Variants in CORO7 observed in about 807,000 individuals in gnomAD.
CORO7 encodes coronin-7.
Under a neutral mutation model 126.6 loss-of-function variants are expected in CORO7, and 107 were observed. The observed-to-expected ratio is 0.85, with a 90% CI of 0.72 to 0.99. The LOEUF (loss-of-function observed/expected upper bound fraction) is 0.99, where lower values mean the gene tolerates loss of function less well. CORO7 is among the 50% of genes least tolerant of loss of function. The probability of loss-of-function intolerance (pLI) is 0.00; values close to 1 mark genes in which losing one functional copy is unlikely to be tolerated. For synonymous variants in CORO7, 603 were observed against 536.8 expected (o/e 1.12, Z -1.70); for missense variants, 1,314 against 1,255.8 (o/e 1.05, Z -0.70).
intron 23 of CORO7, 146 bp from the exon 24 acceptor site, chr16:4,358,629 C>G (rs922817133): frequency 1.2e-5 from 8 of 645,488 alleles, no homozygotes; most frequent in African/African-American, 1.9e-5. Context: ...TCATGTTGAA[C>G]AACCTGCTCT....
At chr16:4,407,806 GCCTT>G (rs2056062014) in intron 4 of CORO7, 122 bp from the exon 5 acceptor site, 1 of 1,277,746 alleles carries the variant, frequency 7.8e-7, no homozygotes, top group Non-Finnish European at 1.1e-6. Context: ...ACACACCTTG[GCCTT>G]GGGAGGAGCG....
At chr16:4,406,289 C>T (rs1016025537) in intron 5 of CORO7, among the ~76,000 whole-genome samples, 2 of 151,594 alleles carry the variant, frequency 1.3e-5, no homozygotes, top group South Asian at 2.1e-4. Context: ...CATGAGCCAC[C>T]GTGCCCGGCC....
At chr16:4,403,135 T>C (rs936183089) in intron 6 of CORO7, among the ~76,000 whole-genome samples, 1 of 151,934 alleles carries the variant, frequency 6.6e-6, no homozygotes, top group African/African-American at 2.4e-5. Flanking sequence ...CAGGTGCGGC[T>C]GCAAAGAGGG....
At chr16:4,379,949 A>G (rs1036044545) in intron 9 of CORO7, among the ~76,000 whole-genome samples, 1 of 148,894 alleles carries the variant, frequency 6.7e-6, no homozygotes, top group African/African-American at 2.5e-5. Flanking sequence ...TCCCAGCTAC[A>G]TGGGAGGCTG....
intron 9 of CORO7, among the ~76,000 whole-genome samples, chr16:4,370,710 C>T (rs2054493555): frequency 3.3e-5 from 5 of 152,218 alleles, no homozygotes; most frequent in East Asian, 1.9e-4. Context: ...TAGCCCTTGA[C>T]GGCTAGACAC....
rs373023916 is a variant in CORO7 at position 4,400,797 on chromosome 16, CAATAATAATAAT to C, written c.564+4682_564+4693del. Among the ~76,000 whole-genome samples, 24 of 139,334 alleles carry C rather than the reference CAATAATAATAAT, an allele frequency of 1.7e-4. 1 individual carries two copies. The highest frequency in any genetic ancestry group is 5.6e-4 in the African/African-American group (21 of 37,698). 91.4% of individuals were successfully genotyped at this position (139,334 alleles called of 152,430 possible). A position where few individuals can be genotyped will look rare whatever the true frequency, so the allele number is the denominator to read the frequency against. ...ATCGTGCCAATGCACTCCAGCAGTGCAATAATAATAATAATAATAATAATAATAATAATAATG... is the reference window on the plus strand; with the variant it reads ...ATCGTGCCAATGCACTCCAGCAGTGCAATAATAATAATAATAATAATAATG... On this transcript the variant is annotated intron_variant, in intron 6 of 27. Transcript: ENST00000251166.
Position 4,354,936 on chromosome 16 carries a change from G to A in CORO7, c.*222C>T, listed in dbSNP as rs556304284. 29 of 477,964 alleles carry A rather than the reference G, an allele frequency of 6.1e-5. No individual in the cohort carries two copies. Among genetic ancestry groups the A allele is most frequent in the Middle Eastern group, 1.1e-3 (2 of 1,838 alleles). 29.6% of individuals were successfully genotyped at this position (477,964 alleles called of 1,614,324 possible). The stretch of plus-strand genomic sequence containing the variant: ...CCTGCACCCCTGGCCACATGCTAGC[G>A]GGCAGCTGATGAGCAGCAGCTGACC... On this transcript the variant is annotated 3_prime_UTR_variant, in exon 28 of 28. Coordinates refer to ENST00000251166, the MANE Select transcript of CORO7 (RefSeq NM_024535.5).
rs542102494 is a variant in CORO7, at chr16:4,378,132, C to T, written c.785+9854G>A. ...CCTAAGAGCTGGCCTGCACACCTGG[C>T]CTTGCAGGGCTGAGGACTCCACATG... is the stretch of plus-strand genomic sequence containing the variant. On this transcript the variant is annotated intron_variant, in intron 9 of 27. Transcript: ENST00000251166. 5.9e-5 allele frequency among the ~76,000 whole-genome samples: 9 copies of T among 152,298 alleles called. No homozygotes were observed. In the South Asian group the frequency reaches 8.3e-4, roughly 14 times the overall value.
chr16:4,371,459 G>A (rs2054517078), intron 9 of CORO7, among the ~76,000 whole-genome samples: 1 of 152,158 alleles, frequency 6.6e-6, no homozygotes, highest in Non-Finnish European at 1.5e-5. Flanking sequence ...TGGTCATGAG[G>A]ACTCAGCCCT....
intron 6 of CORO7, among the ~76,000 whole-genome samples, chr16:4,400,872 C>G (rs1353317335): frequency 1.3e-5 from 2 of 151,748 alleles, no homozygotes; most frequent in Admixed American, 1.3e-4. Context: ...ACGTACCACA[C>G]TCACGCAGGA....
At chr16:4,366,068 C>T (rs1011583947) in intron 9 of CORO7, among the ~76,000 whole-genome samples, 1 of 152,226 alleles carries the variant, frequency 6.6e-6, no homozygotes, top group African/African-American at 2.4e-5. Flanking sequence ...GTTTCCTGTG[C>T]CTCAGTGATA....
intron 1 of CORO7, 55 bp downstream of exon 1, chr16:4,416,404 G>A (rs1305142088): frequency 2.7e-6 from 4 of 1,501,888 alleles, no homozygotes; most frequent in South Asian, 1.3e-5. Flanking sequence ...GGCAGGGGGA[G>A]GGGCAGCCGG....
chr16:4,375,617 A>G (rs2054692008), intron 9 of CORO7, among the ~76,000 whole-genome samples: 1 of 152,166 alleles, frequency 6.6e-6, no homozygotes. Context: ...CCTCCCAAGT[A>G]GCTGGGACTA....
intron 9 of CORO7, among the ~76,000 whole-genome samples, chr16:4,376,402 G>T (rs2054733004): frequency 6.6e-6 from 1 of 152,190 alleles, no homozygotes; most frequent in South Asian, 2.1e-4. Context: ...ATGAGGAGCG[G>T]GGGCCCGGAG....
chr16:4,378,938 C>T (rs1037964639), intron 9 of CORO7, among the ~76,000 whole-genome samples: 9 of 152,070 alleles, frequency 5.9e-5, no homozygotes, highest in Admixed American at 2.6e-4. Context: ...CGATACTACA[C>T]GTGGGCAGGG....
At position 4,358,119 on chromosome 16, in the gene CORO7, C is replaced by T. The variant is rs368671302; in HGVS notation, c.2458-16G>A. The T allele has an allele frequency of 3.7e-5, 59 of 1,607,774 alleles. 1 individual carries two copies. The highest frequency in any genetic ancestry group is 1.6e-4 in the Middle Eastern group (1 of 6,068). On this transcript the variant is annotated splice_polypyrimidine_tract_variant and intron_variant, in intron 24 of 27. Transcript: ENST00000251166. ...AGAACTCTTTCTGCAGAGGGAGAAA[C>T]GGGCTGTCCTGAGACATTGACCAGG...
rs750400638 is a variant in CORO7, at chr16:4,357,230, G to C, written c.2623C>G (p.Arg875Gly). The change falls in exon 26 of 28, where the codon CGT (arginine) becomes GGT (glycine). Residue 875 changes from arginine to glycine, a missense_variant. Physicochemically the swap from Arg to Gly is moderately radical, Grantham distance 125 (BLOSUM62 -2). Transcript: ENST00000251166. ...TACTGCGCTGAGGATGGGGCCCGAC[G>C]AGCAGGGGCCTCTCGGGGGGCTTGG... ...VSQAPREAPARRAPSSAQYLE... is the reference protein window; with the variant it reads ...VSQAPREAPAGRAPSSAQYLE... 1 of 1,613,638 alleles carries C rather than the reference G, an allele frequency of 6.2e-7. No homozygotes were observed. The highest frequency in any genetic ancestry group is 1.3e-5 in the African/African-American group (1 of 74,866).
At chr16:4,394,704 G>T (rs1410695843) in intron 7 of CORO7, among the ~76,000 whole-genome samples, 1 of 152,202 alleles carries the variant, frequency 6.6e-6, no homozygotes, top group Non-Finnish European at 1.5e-5. Flanking sequence ...CCAGACACAG[G>T]GCCCTGTCCC....
chr16:4,405,313 C>G (rs1336338776), intron 6 of CORO7, among the ~76,000 whole-genome samples, 178 bp downstream of exon 6: 1 of 152,214 alleles, frequency 6.6e-6, no homozygotes, highest in East Asian at 1.9e-4. Context: ...GTAGGGGCTT[C>G]CAGATGTAGG....
Sources: allele counts gnomAD v4.1 joint callset (sites outside exome capture counted in the v4.1 genomes callset), GRCh38; gene constraint gnomAD v4.1.1; transcripts MANE v1.5; gene names NCBI Gene and HGNC (gene_info 2026-07-23, HGNC 2026-07-21).